Variants in CAP2 observed in about 807,000 individuals in gnomAD.
The protein encoded by CAP2 is cyclase associated actin cytoskeleton regulatory protein 2.
CAP2 carries 24 observed loss-of-function variants against 57.7 expected under a neutral mutation model. The observed-to-expected ratio is 0.42, with a 90% CI of 0.30 to 0.58. The LOEUF is 0.58. CAP2 is among the 20% of genes least tolerant of loss of function. The pLI, the probability that CAP2 is intolerant of heterozygous loss-of-function variation, is 0.22. For missense variants in CAP2, 501 were observed against 590.3 expected (o/e 0.85, Z 1.57); for synonymous variants, 194 against 207.2 (o/e 0.94, Z 0.55).
intron 11 of CAP2, among the ~76,000 whole-genome samples, chr6:17,548,848 G>A (rs1763110844): frequency 6.6e-6 from 1 of 151,930 alleles, no homozygotes; most frequent in Non-Finnish European, 1.5e-5. Context: ...TATCCATGTG[G>A]GAAAAAAATA....
rs187507318 is a variant in CAP2 at position 17,534,008 on chromosome 6, A to G, written c.637-5261A>G. On this transcript the variant is annotated intron_variant, in intron 7 of 12. Transcript: ENST00000229922. ...TTGTTTTTTAAAAAAGCATTTGTGT[A>G]TGGATCACTGCTCCTTAACTAAGGT... Among the ~76,000 whole-genome samples, 597 of 152,320 alleles carry G rather than the reference A, an allele frequency of 3.9e-3. 3 individuals are homozygous for G. Among genetic ancestry groups the G allele is most frequent in the South Asian group, 0.011 (55 of 4,826 alleles).
In CAP2 at chr6:17,556,377, G is replaced by A. The variant is rs761113184; in HGVS notation, c.1369G>A (p.Glu457Lys). ...TTTCCAGAGAGAATTTCCCATTCCT[G>A]AACAGTTCAAGACAGCATGGGATGG... ...DGDYREFPIP[E>K]QFKTAWDGSK... The change falls in exon 13 of 13, where the codon GAA becomes AAA. Residue 457 changes from glutamate (E) to lysine (K), a missense_variant. Glu to Lys is a moderately conservative substitution (Grantham distance 56, BLOSUM62 1). Coordinates refer to ENST00000229922, the MANE Select transcript of CAP2 (RefSeq NM_006366.3). 2 of 1,613,086 alleles carry A rather than the reference G, an allele frequency of 1.2e-6. No homozygotes were observed. Among genetic ancestry groups the A allele is most frequent in the African/African-American group, 1.3e-5 (1 of 74,986 alleles).
chr6:17,438,261 G>T, intron 3 of CAP2, among the ~76,000 whole-genome samples: 1 of 150,808 alleles, frequency 6.6e-6, no homozygotes, highest in Non-Finnish European at 1.5e-5. Flanking sequence ...AGCTACTCGG[G>T]AGGCTGAGGC....
chr6:17,501,135 T>G (rs1173624609), intron 4 of CAP2, among the ~76,000 whole-genome samples: 1 of 152,216 alleles, frequency 6.6e-6, no homozygotes, highest in African/African-American at 2.4e-5. Flanking sequence ...AGGAACGTAC[T>G]GATGGGATTT....
chr6:17,399,304 G>A (rs1382172089), intron 1 of CAP2, among the ~76,000 whole-genome samples: 1 of 152,064 alleles, frequency 6.6e-6, no homozygotes, highest in African/African-American at 2.4e-5. Context: ...CTCAGGTAAT[G>A]CACCTGCCTA....
At chr6:17,532,393 G>A (rs1396073486) in intron 7 of CAP2, among the ~76,000 whole-genome samples, 27 of 149,694 alleles carry the variant, frequency 1.8e-4, no homozygotes, top group African/African-American at 5.8e-4. Flanking sequence ...CGCCAGCCTC[G>A]GCCTCCCAAA....
Position 17,539,286 on chromosome 6 carries a change from A to G in CAP2, c.654A>G (p.Thr218=). Residue 218 remains threonine (T), a synonymous_variant, in exon 8 of 13, where the codon ACA becomes ACG. Transcript: ENST00000229922. ...TWSKTGPVAS[T]VSAFSVLSSG... is the part of the protein sequence containing the mutation. Reference sequence around the variant, plus strand: ...CTTCTCAGGGTCCTGTAGCATCCACAGTATCAGCGTTTTCTGTCCTCTCCT... The same window carrying G: ...CTTCTCAGGGTCCTGTAGCATCCACGGTATCAGCGTTTTCTGTCCTCTCCT... The G allele has an allele frequency of 6.2e-7, 1 of 1,613,418 alleles. No individual in the cohort carries two copies. The highest frequency in any genetic ancestry group is 8.5e-7 in the Non-Finnish European group (1 of 1,179,582).
At chr6:17,408,732 C>T (rs1278068260) in intron 1 of CAP2, among the ~76,000 whole-genome samples, 3 of 140,110 alleles carry the variant, frequency 2.1e-5, no homozygotes, top group African/African-American at 8.2e-5. Context: ...ATGATCTCTA[C>T]TCACTGCAAG....
chr6:17,518,154 C>T (rs1375640058), intron 7 of CAP2, among the ~76,000 whole-genome samples: 2 of 152,030 alleles, frequency 1.3e-5, no homozygotes. Flanking sequence ...GATTAAAAAT[C>T]TTTTGTCAAG....
At chr6:17,433,594 T>A (rs1466457340) in intron 3 of CAP2, among the ~76,000 whole-genome samples, 1 of 152,248 alleles carries the variant, frequency 6.6e-6, no homozygotes, top group Non-Finnish European at 1.5e-5. Flanking sequence ...AGGACAGAAC[T>A]CTGTCCCTCT....
intron 4 of CAP2, among the ~76,000 whole-genome samples, chr6:17,478,564 T>C (rs1202701813): frequency 1.3e-5 from 2 of 152,108 alleles, no homozygotes; most frequent in Non-Finnish European, 2.9e-5. Context: ...CATTTCCTTC[T>C]TTCTCTCCCT....
Position 17,496,027 on chromosome 6 carries a change from T to TG in CAP2, c.301-11130dup, listed in dbSNP as rs562191454. Among the ~76,000 whole-genome samples, 281 of 44,306 alleles carry TG rather than the reference T, an allele frequency of 6.3e-3. 8 individuals carry two copies. The highest frequency in any genetic ancestry group is 0.022 in the Middle Eastern group (2 of 92). The allele number at this position is 44,306 out of a possible 152,430, so 29.1% of individuals were successfully genotyped here. On this transcript the variant is annotated intron_variant, in intron 4 of 12. Transcript: ENST00000229922. ...CAACTGCTGTGCATGCGTGTGTGGG[T>TG]GGGGGGGGGGGGTAAGTCAGGGAAA...
intron 2 of CAP2, 107 bp downstream of exon 2, chr6:17,421,783 C>T: frequency 7.9e-7 from 1 of 1,260,226 alleles, no homozygotes; most frequent in Non-Finnish European, 1.2e-6. Context: ...AGCTTCCCTA[C>T]TCCTTCCATC....
chr6:17,417,567 C>T (rs1759317352), intron 1 of CAP2, among the ~76,000 whole-genome samples: 1 of 152,126 alleles, frequency 6.6e-6, no homozygotes, highest in African/African-American at 2.4e-5. Flanking sequence ...GAGCCACTGG[C>T]CCCGGCTCCT....
intron 4 of CAP2, among the ~76,000 whole-genome samples, chr6:17,490,039 A>G (rs560881070): frequency 1.3e-5 from 2 of 152,274 alleles, no homozygotes; most frequent in Admixed American, 1.3e-4. Flanking sequence ...CCCACTGTGT[A>G]TGCATGTAAG....
chr6:17,531,655 A>G, intron 7 of CAP2: 1 of 1,017,354 alleles, frequency 9.8e-7, no homozygotes. Context: ...CCAGAAAAAG[A>G]GTGGTCTCTG....
Position 17,421,603 on chromosome 6 carries a change from C to A in CAP2, c.48C>A (p.Ser16Arg), listed in dbSNP as rs1759449120. Residue 16 changes from serine (S) to arginine (R), a missense_variant, in exon 2 of 13, where the codon AGC becomes AGA. By Grantham distance (110) the Ser-to-Arg change is moderately radical (BLOSUM62 -1). Coordinates refer to ENST00000229922, the MANE Select transcript of CAP2 (RefSeq NM_006366.3). ...TGGAAAGACTGGAACGAGCTGTCAG[C>A]CGCCTGGAGTCGCTGTCTGCAGAGT... ...GLVERLERAV[S>R]RLESLSAESH... 6.2e-7 allele frequency: 1 copy of A among 1,613,948 alleles called. No individual in the cohort carries two copies. The highest frequency in any genetic ancestry group is 8.5e-7 in the Non-Finnish European group (1 of 1,179,948).
At chr6:17,430,540 G>GTTT (rs397949018) in intron 3 of CAP2, among the ~76,000 whole-genome samples, 7 of 138,602 alleles carry the variant, frequency 5.1e-5, no homozygotes, top group African/African-American at 7.9e-5. Context: ...GTGACTTTGG[G>GTTT]TTTTTTTTTT....
intron 1 of CAP2, among the ~76,000 whole-genome samples, chr6:17,417,669 G>A (rs558024613): frequency 6.6e-6 from 1 of 152,282 alleles, no homozygotes; most frequent in African/African-American, 2.4e-5. Context: ...AGGTGTTTGT[G>A]TATATCCTTT....
Sources: gnomAD v4.1 joint callset for allele counts (sites outside exome capture counted in the v4.1 genomes callset) on GRCh38, gnomAD v4.1.1 for gene constraint, MANE v1.5 for transcripts, NCBI Gene and HGNC (gene_info 2026-07-23, HGNC 2026-07-21) for gene names.